Variants in CNTNAP4 observed in about 807,000 individuals in gnomAD.
The protein encoded by CNTNAP4 is contactin-associated protein-like 4.
In CNTNAP4, 98 loss-of-function variants were observed where a neutral mutation model predicts 148.4. The observed-to-expected ratio is 0.66, with a 90% confidence interval of 0.56 to 0.78. The LOEUF (loss-of-function observed/expected upper bound fraction) is 0.78, where lower values mean the gene tolerates loss of function less well. Ranked by LOEUF, CNTNAP4 falls within the 30% of genes least tolerant of loss-of-function variation. CNTNAP4 has a pLI of 0.00. For synonymous variants in CNTNAP4, 730 were observed against 565.1 expected, an observed-to-expected ratio of 1.29 and a Z score of -4.14; for missense variants, 1,935 against 1,565.6, an observed-to-expected ratio of 1.24 and a Z score of -3.98.
chr16:76,385,145 C>T (rs2016395001), intron 3 of CNTNAP4, among the ~76,000 whole-genome samples: 2 of 152,092 alleles, frequency 1.3e-5, no homozygotes, highest in Admixed American at 1.3e-4. Context: ...CAATATAACG[C>T]ATTTTGTTGA....
rs565146749 is a variant in CNTNAP4, at chr16:76,359,127, A to T, written c.390+3616A>T. Among the ~76,000 whole-genome samples, 49 of 152,332 alleles carry T rather than the reference A, an allele frequency of 3.2e-4. 1 individual carries two copies. The South Asian group carries it at 3.3e-3, about 10-fold the overall frequency. ...GAAGAACAATTTCAAATTGATGTACATCATAAAAAAACTTAACCCTTTGTT... is the reference window on the plus strand; with the variant it reads ...GAAGAACAATTTCAAATTGATGTACTTCATAAAAAAACTTAACCCTTTGTT... On this transcript the variant is annotated intron_variant, in intron 3 of 23. Transcript: ENST00000611870.
Position 76,449,400 on chromosome 16 carries a change from T to A in CNTNAP4, c.928-315T>A, listed in dbSNP as rs8060028. On this transcript the variant is annotated intron_variant, in intron 6 of 23. Coordinates refer to ENST00000611870, the MANE Select transcript of CNTNAP4 (RefSeq NM_033401.5). ...CAAATATCAATATGTGCTAGAAGCGTATCTAAAATAAAATATTATAATTGG... is the reference window on the plus strand; with the variant it reads ...CAAATATCAATATGTGCTAGAAGCGAATCTAAAATAAAATATTATAATTGG... Among the ~76,000 whole-genome samples, 766 of 152,314 alleles carry A rather than the reference T, an allele frequency of 5.0e-3. 6 individuals are homozygous for A. Among genetic ancestry groups the A allele is most frequent in the African/African-American group, 0.018 (734 of 41,570 alleles).
At chr16:76,313,532 T>G (rs1961376235) in intron 1 of CNTNAP4, among the ~76,000 whole-genome samples, 2 of 152,324 alleles carry the variant, frequency 1.3e-5, no homozygotes, top group South Asian at 4.1e-4. Flanking sequence ...TTGTATATCT[T>G]TTTATGTCTG....
intron 3 of CNTNAP4, among the ~76,000 whole-genome samples, chr16:76,426,003 G>A (rs1417259003): frequency 1.3e-5 from 2 of 152,102 alleles, no homozygotes; most frequent in African/African-American, 4.8e-5. Context: ...TTCTGGTGAG[G>A]TGATGCTTTG....
chr16:76,303,279 C>T (rs1728099047), intron 1 of CNTNAP4, among the ~76,000 whole-genome samples: 1 of 152,072 alleles, frequency 6.6e-6, no homozygotes, highest in Admixed American at 6.6e-5. Context: ...CATTTATCTG[C>T]AGGAAAATTC....
chr16:76,314,265 C>T (rs1961463250), intron 1 of CNTNAP4, among the ~76,000 whole-genome samples: 1 of 152,190 alleles, frequency 6.6e-6, no homozygotes, highest in South Asian at 2.1e-4. Flanking sequence ...CAATCCAGAG[C>T]CCAAGAAAGG....
At chr16:76,383,583 C>T (rs1039107780) in intron 3 of CNTNAP4, among the ~76,000 whole-genome samples, 5 of 151,712 alleles carry the variant, frequency 3.3e-5, no homozygotes, top group South Asian at 2.1e-4. Flanking sequence ...TTTGATATCC[C>T]GATTTAAACA....
chr16:76,384,531 T>G (rs1300329427), intron 3 of CNTNAP4, among the ~76,000 whole-genome samples: 1 of 152,058 alleles, frequency 6.6e-6, no homozygotes, highest in Non-Finnish European at 1.5e-5. Context: ...CCATGTAGCT[T>G]TGGTTGTGAC....
At chr16:76,364,135 G>C (rs1597326440) in intron 3 of CNTNAP4, among the ~76,000 whole-genome samples, 1 of 148,372 alleles carries the variant, frequency 6.7e-6, no homozygotes, top group African/African-American at 2.5e-5. Context: ...TACTCTGGAG[G>C]TTGAGGCATG....
chr16:76,490,438 C>G (rs536706322), intron 13 of CNTNAP4, among the ~76,000 whole-genome samples: 35 of 152,236 alleles, frequency 2.3e-4, no homozygotes, highest in African/African-American at 7.5e-4. Flanking sequence ...CAGTCTGCTC[C>G]TGAGTTCTGG....
chr16:76,311,595 CTA>C (rs1228261318), intron 1 of CNTNAP4, among the ~76,000 whole-genome samples: 3 of 152,042 alleles, frequency 2.0e-5, no homozygotes, highest in Non-Finnish European at 4.4e-5. Context: ...ATATCAAGGT[CTA>C]TGTGGAAATT....
At chr16:76,430,111 G>A (rs1047197701) in intron 4 of CNTNAP4, among the ~76,000 whole-genome samples, 3 of 152,140 alleles carry the variant, frequency 2.0e-5, no homozygotes, top group African/African-American at 7.2e-5. Context: ...CCATAGTCAT[G>A]CTCACATTTT....
At chr16:76,377,810 C>T (rs1445676063) in intron 3 of CNTNAP4, among the ~76,000 whole-genome samples, 1 of 152,146 alleles carries the variant, frequency 6.6e-6, no homozygotes, top group East Asian at 1.9e-4. Context: ...AAAATGCTTA[C>T]TGACTCCATG....
intron 15 of CNTNAP4, among the ~76,000 whole-genome samples, chr16:76,514,282 C>T (rs1452106144): frequency 6.6e-6 from 1 of 152,160 alleles, no homozygotes; most frequent in Non-Finnish European, 1.5e-5. Flanking sequence ...TATATATTCT[C>T]TTACATCCAG....
At chr16:76,522,011 G>T in intron 16 of CNTNAP4, 28 bp from the exon 17 acceptor site, 1 of 1,607,698 alleles carries the variant, frequency 6.2e-7, no homozygotes, top group Non-Finnish European at 8.5e-7. Context: ...GAACTCACTA[G>T]AACAATCTTT....
intron 3 of CNTNAP4, among the ~76,000 whole-genome samples, chr16:76,422,316 G>A (rs1483300138): frequency 6.6e-6 from 1 of 151,640 alleles, no homozygotes; most frequent in Non-Finnish European, 1.5e-5. Flanking sequence ...CTATTAGGAG[G>A]TTACTATTTA....
At chr16:76,298,861 G>A (rs931506562) in intron 1 of CNTNAP4, among the ~76,000 whole-genome samples, 12 of 152,124 alleles carry the variant, frequency 7.9e-5, no homozygotes, top group African/African-American at 2.7e-4. Flanking sequence ...AGTGAGTTGG[G>A]TGGGGGCAGG....
At chr16:76,361,474 T>C (rs1451666125) in intron 3 of CNTNAP4, among the ~76,000 whole-genome samples, 3 of 152,248 alleles carry the variant, frequency 2.0e-5, no homozygotes, top group African/African-American at 7.2e-5. Flanking sequence ...GAAAGAATTT[T>C]GAGGCAGAAT....
intron 4 of CNTNAP4, chr16:76,432,441 G>T (rs896084141): frequency 1.3e-5 from 2 of 152,066 alleles, no homozygotes; most frequent in African/African-American, 2.4e-5. Flanking sequence ...AAATTTTATG[G>T]GATCAAAGAG....
Sources: allele counts gnomAD v4.1 joint callset (sites outside exome capture counted in the v4.1 genomes callset), GRCh38; gene constraint gnomAD v4.1.1; transcripts MANE v1.5; gene names NCBI Gene and HGNC (gene_info 2026-07-23, HGNC 2026-07-21).